The following KCNV1 variants were observed in gnomAD, a reference collection of about 807,000 sequenced individuals.
KCNV1 encodes the protein potassium voltage-gated channel subfamily V member 1.
KCNV1 carries 2 observed loss-of-function variants against 36.4 expected under a neutral mutation model. The observed-to-expected ratio is 0.05, with a 90% CI of 0.02 to 0.17. KCNV1 has a LOEUF of 0.17. KCNV1 is among the 10% of genes least tolerant of loss of function. The pLI is 1.00. For synonymous variants in KCNV1, 280 were observed against 261.1 expected (o/e 1.07, Z -0.70); for missense variants, 321 against 643.6 (o/e 0.50, Z 5.42).
At chr8:109,970,298 TGAG>T (rs1452857193) in intron 3 of KCNV1, among the ~76,000 whole-genome samples, 1 of 152,232 alleles carries the variant, frequency 6.6e-6, no homozygotes, top group Admixed American at 6.5e-5. Context: ...TCACAGCATA[TGAG>T]GAGATGCATA....
rs1819917672 is a variant in KCNV1 at position 109,964,065 on chromosome 8, C to T, written c.*4023G>A. 1 of 152,000 alleles carries T rather than the reference C, an allele frequency of 6.6e-6. No individual in the cohort carries two copies. Among genetic ancestry groups the T allele is most frequent in the South Asian group, 2.1e-4 (1 of 4,836 alleles). The allele number at this position is 152,000 out of a possible 1,614,324, so 9.4% of individuals were successfully genotyped here. A position where few individuals can be genotyped will look rare whatever the true frequency, so the allele number is the denominator to read the frequency against. ...ACCTATCAACAGAGTGAACAGACAACCTACAGATTGGGGGAAAATATTTGC... is the reference window on the plus strand; with the variant it reads ...ACCTATCAACAGAGTGAACAGACAATCTACAGATTGGGGGAAAATATTTGC... On this transcript the variant is annotated 3_prime_UTR_variant, in exon 4 of 4. Transcript: ENST00000524391.
chr8:109,974,439 C>G lies in KCNV1; in HGVS notation c.-51G>C. 1 of 1,336,562 alleles carries G rather than the reference C, an allele frequency of 7.5e-7. No homozygotes were observed. Among genetic ancestry groups the G allele is most frequent in the South Asian group, 1.5e-5 (1 of 65,972 alleles). The allele number at this position is 1,336,562 out of a possible 1,614,324, so 82.8% of individuals were successfully genotyped here. ...GGGCGCCACAAAGTTGGGGACACGC[C>G]GGAAGCTTTGGTCCCGCGAGGGCGG... On this transcript the variant is annotated 5_prime_UTR_variant, in exon 2 of 4. Coordinates refer to ENST00000524391, the MANE Select transcript of KCNV1 (RefSeq NM_014379.4). The surrounding 1 kb of genome is among the most constrained non-coding windows in gnomAD (Gnocchi z 6.2).
chr8:109,974,879 G>C lies in KCNV1; in HGVS notation c.-491C>G, dbSNP rs527894196. The C allele has an allele frequency of 6.2e-6, 1 of 162,578 alleles. No individual in the cohort carries two copies. Among genetic ancestry groups the C allele is most frequent in the Non-Finnish European group, 1.3e-5 (1 of 74,730 alleles). The allele number at this position is 162,578 out of a possible 1,614,324, so 10.1% of individuals were successfully genotyped here. A position where few individuals can be genotyped will look rare whatever the true frequency, so the allele number is the denominator to read the frequency against. On this transcript the variant is annotated 5_prime_UTR_variant, in exon 2 of 4. Coordinates refer to ENST00000524391, the MANE Select transcript of KCNV1 (RefSeq NM_014379.4). This position sits in a 1 kb window ranked among gnomAD's most constrained non-coding sequence, Gnocchi z 6.2. Reference sequence around the variant, plus strand: ...GGAAGAGGAGAGAAGATGACTCTTAGCTGAACGCAAGCAAGCAAGCAAGCA... The same window carrying C: ...GGAAGAGGAGAGAAGATGACTCTTACCTGAACGCAAGCAAGCAAGCAAGCA...
chr8:109,968,279 A>G lies in KCNV1; in HGVS notation c.1312T>C (p.Leu438=), dbSNP rs988600153. 1 of 1,613,996 alleles carries G rather than the reference A, an allele frequency of 6.2e-7. No individual in the cohort carries two copies. The highest frequency in any genetic ancestry group is 8.5e-7 in the Non-Finnish European group (1 of 1,180,024). ...NDRFSACYFT[L]KLKEAAVRQR... ...CTAACAGCTGCTTCCTTGAGTTTCA[A>G]GGTGAAGTAGCAAGCAGAGAAGCGA... Residue 438 remains leucine, a synonymous_variant, in exon 4 of 4, where the codon TTG becomes CTG. Transcript: ENST00000524391. This position sits in a 1 kb window ranked among gnomAD's most constrained non-coding sequence, Gnocchi z 5.3.
rs776824109 is a variant in KCNV1 at position 109,974,528 on chromosome 8, G to T, written c.-140C>A. ...CCCGAAGGGGTTACCTCTCCTTGGCGCACCCTCTCCACCCGCTGTGCGCCT... is the reference window on the plus strand; with the variant it reads ...CCCGAAGGGGTTACCTCTCCTTGGCTCACCCTCTCCACCCGCTGTGCGCCT... On this transcript the variant is annotated 5_prime_UTR_variant, in exon 2 of 4. Coordinates refer to ENST00000524391, the MANE Select transcript of KCNV1 (RefSeq NM_014379.4). The surrounding 1 kb of genome is among the most constrained non-coding windows in gnomAD (Gnocchi z 6.2). 7 of 631,948 alleles carry T rather than the reference G, an allele frequency of 1.1e-5. No individual in the cohort carries two copies. The highest frequency in any genetic ancestry group is 1.9e-5 in the Non-Finnish European group (7 of 368,752). 39.1% of individuals were successfully genotyped at this position (631,948 alleles called of 1,614,324 possible).
rs1400634770 is a variant in KCNV1, at chr8:109,967,298, GAAC to G, written c.*787_*789del. 2.2e-4 allele frequency: 33 copies of G among 152,212 alleles called. No homozygotes were observed. The East Asian group carries it at 4.6e-3, about 21-fold the overall frequency. The allele number at this position is 152,212 out of a possible 1,614,324, so 9.4% of individuals were successfully genotyped here. ...ATTCATTATTTTAAAGCCATAATGT[GAAC>G]AATACATCCATAAAGAGACATTTAA... On this transcript the variant is annotated 3_prime_UTR_variant, in exon 4 of 4. Transcript: ENST00000524391.
chr8:109,969,419 C>T (rs1280693565), intron 3 of KCNV1, among the ~76,000 whole-genome samples: 2 of 152,092 alleles, frequency 1.3e-5, no homozygotes, highest in African/African-American at 2.4e-5. Flanking sequence ...GAAATGGAAC[C>T]ACTAGAGAAT....
At position 109,974,632 on chromosome 8, in the gene KCNV1, G is replaced by A; in HGVS notation, c.-244C>T. On this transcript the variant is annotated 5_prime_UTR_variant, in exon 2 of 4. Coordinates refer to ENST00000524391, the MANE Select transcript of KCNV1 (RefSeq NM_014379.4). This position sits in a 1 kb window ranked among gnomAD's most constrained non-coding sequence, Gnocchi z 6.2. ...CAGAAAGAGGAGACAGGGAGCAGAG[G>A]AAGGGTCGCGCTAAGAGAGAGGATC... 1.8e-6 allele frequency: 1 copy of A among 568,430 alleles called. No individual in the cohort carries two copies. Among genetic ancestry groups the A allele is most frequent in the Non-Finnish European group, 3.1e-6 (1 of 320,804 alleles). 35.2% of individuals were successfully genotyped at this position (568,430 alleles called of 1,614,324 possible).
intron 3 of KCNV1, among the ~76,000 whole-genome samples, chr8:109,969,793 C>T (rs1819987323): frequency 6.7e-6 from 1 of 148,558 alleles, no homozygotes; most frequent in Non-Finnish European, 1.5e-5. Context: ...TGCAGTGAGC[C>T]AAGATCACGC....
chr8:109,973,103 G>C (rs887437632), intron 2 of KCNV1, among the ~76,000 whole-genome samples: 1 of 151,154 alleles, frequency 6.6e-6, no homozygotes, highest in Non-Finnish European at 1.5e-5. Flanking sequence ...CCAGCCTCCT[G>C]AGTAGCTGGG....
Position 109,968,072 on chromosome 8 carries a change from T to C in KCNV1, c.*16A>G. The C allele has an allele frequency of 6.3e-7, 1 of 1,595,992 alleles. No homozygotes were observed. Among genetic ancestry groups the C allele is most frequent in the Non-Finnish European group, 8.5e-7 (1 of 1,170,496 alleles). Reference sequence around the variant, plus strand: ...GTTAATTGTACATAGCTTTTGTAAATAAATTGAAAATTAATTCAAAACCAG... The same window carrying C: ...GTTAATTGTACATAGCTTTTGTAAACAAATTGAAAATTAATTCAAAACCAG... On this transcript the variant is annotated 3_prime_UTR_variant, in exon 4 of 4. Transcript: ENST00000524391. This position sits in a 1 kb window ranked among gnomAD's most constrained non-coding sequence, Gnocchi z 5.3.
At chr8:109,973,662 G>A (rs188276481) in intron 2 of KCNV1, among the ~76,000 whole-genome samples, 4 of 152,112 alleles carry the variant, frequency 2.6e-5, no homozygotes, top group Admixed American at 2.6e-4. Context: ...AATATTTATT[G>A]TGGGCCTGAA....
In KCNV1 at chr8:109,975,749, C is replaced by G. The variant is rs1432291517; in HGVS notation, c.-935G>C. 2 of 153,000 alleles carry G rather than the reference C, an allele frequency of 1.3e-5. No individual in the cohort carries two copies. The allele number at this position is 153,000 out of a possible 1,614,324, so 9.5% of individuals were successfully genotyped here. Reference sequence around the variant, plus strand: ...GGAGGGAAACTGTGTTCCAGCTGAGCTCTACCCAGCGCCTGCTGCCTTGCC... The same window carrying G: ...GGAGGGAAACTGTGTTCCAGCTGAGGTCTACCCAGCGCCTGCTGCCTTGCC... On this transcript the variant is annotated 5_prime_UTR_variant, in exon 1 of 4. Coordinates refer to ENST00000524391, the MANE Select transcript of KCNV1 (RefSeq NM_014379.4).
rs995293432 is a variant in KCNV1, at chr8:109,964,242, A to G, written c.*3846T>C. On this transcript the variant is annotated 3_prime_UTR_variant, in exon 4 of 4. Coordinates refer to ENST00000524391, the MANE Select transcript of KCNV1 (RefSeq NM_014379.4). ...TACATGCAGCCAACAATGATATGAA[A>G]AAAAGCCTCAATATCACTGATCATT... 3.9e-5 allele frequency: 6 copies of G among 152,192 alleles called. No homozygotes were observed. Among genetic ancestry groups the G allele is most frequent in the Middle Eastern group, 3.2e-3 (1 of 316 alleles). The allele number at this position is 152,192 out of a possible 1,614,324, so 9.4% of individuals were successfully genotyped here.
chr8:109,972,246 A>G lies in KCNV1; in HGVS notation c.991+12T>C, dbSNP rs1404421002. On this transcript the variant is annotated intron_variant, in intron 3 of 3. Coordinates refer to ENST00000524391, the MANE Select transcript of KCNV1 (RefSeq NM_014379.4). This position sits in a 1 kb window ranked among gnomAD's most constrained non-coding sequence, Gnocchi z 5.2. ...AATGGCAAATTAAAAGGCATCAGTGAAATGTGAATACCTGTGGAATGTCTG... is the reference window on the plus strand; with the variant it reads ...AATGGCAAATTAAAAGGCATCAGTGGAATGTGAATACCTGTGGAATGTCTG... The G allele has an allele frequency of 6.4e-7, 1 of 1,558,396 alleles. No homozygotes were observed. The highest frequency in any genetic ancestry group is 2.3e-5 in the East Asian group (1 of 44,384).
chr8:109,969,740 G>A (rs1819986723), intron 3 of KCNV1, among the ~76,000 whole-genome samples: 1 of 151,882 alleles, frequency 6.6e-6, no homozygotes, highest in Admixed American at 6.6e-5. Flanking sequence ...AGTTACTCGG[G>A]AGGCTGAGGC....
Position 109,968,872 on chromosome 8 carries a change from C to T in KCNV1, c.992-273G>A, listed in dbSNP as rs563210153. Among the ~76,000 whole-genome samples, 21 of 152,230 alleles carry T rather than the reference C, an allele frequency of 1.4e-4. No individual in the cohort carries two copies. The highest frequency in any genetic ancestry group is 4.8e-4 in the African/African-American group (20 of 41,514). ...CACCTATAGAATTATTGAACTTCTA[C>T]TATTAAAAAGAAGGCGAGAGGTAAG... is the stretch of plus-strand genomic sequence containing the variant. On this transcript the variant is annotated intron_variant, in intron 3 of 3. Coordinates refer to ENST00000524391, the MANE Select transcript of KCNV1 (RefSeq NM_014379.4). This position sits in a 1 kb window ranked among gnomAD's most constrained non-coding sequence, Gnocchi z 5.3.
chr8:109,966,448 T>TA lies in KCNV1; in HGVS notation c.*1639dup, dbSNP rs1361024430. The TA allele has an allele frequency of 6.6e-6, 1 of 152,230 alleles. No individual in the cohort carries two copies. Among genetic ancestry groups the TA allele is most frequent in the African/African-American group, 2.4e-5 (1 of 41,460 alleles). The allele number at this position is 152,230 out of a possible 1,614,324, so 9.4% of individuals were successfully genotyped here. ...TGGAAACAAGTTAAATGAATTAAAG[T>TA]ACTTTAGCACACAATCTAAAACTCA... is the stretch of plus-strand genomic sequence containing the variant. On this transcript the variant is annotated 3_prime_UTR_variant, in exon 4 of 4. Transcript: ENST00000524391.
rs1819966389 is a variant in KCNV1, at chr8:109,968,179, A to T, written c.1412T>A (p.Val471Asp). The change falls in exon 4 of 4, where the codon GTC becomes GAC. Residue 471 changes from valine (V) to aspartate (D), a missense_variant. Coordinates refer to ENST00000524391, the MANE Select transcript of KCNV1 (RefSeq NM_014379.4). The surrounding 1 kb of genome is among the most constrained non-coding windows in gnomAD (Gnocchi z 5.3). ...DSYISVNLRD[V>D]YARSIMEMLR... ...CATCTCCATGATACTCCGGGCATAG[A>T]CATCTCTCAAGTTAACACTGATATA... The T allele has an allele frequency of 6.2e-7, 1 of 1,614,054 alleles. No homozygotes were observed. The highest frequency in any genetic ancestry group is 1.3e-5 in the African/African-American group (1 of 74,916).
Sources: gnomAD v4.1 joint callset for allele counts (sites outside exome capture counted in the v4.1 genomes callset) on GRCh38, gnomAD v4.1.1 for gene constraint, Gnocchi (gnomAD v3.1) non-coding constraint, MANE v1.5 for transcripts, NCBI Gene and HGNC (gene_info 2026-07-23, HGNC 2026-07-21) for gene names.